Variants in SLC4A8 observed in about 807,000 individuals in gnomAD.
The protein encoded by SLC4A8 is electroneutral sodium bicarbonate exchanger 1.
In SLC4A8, 40 loss-of-function variants were observed where a neutral mutation model predicts 125.0. That is an observed-to-expected ratio of 0.32 (90% confidence interval 0.25 to 0.42). The LOEUF (loss-of-function observed/expected upper bound fraction) is 0.42, where lower values mean the gene tolerates loss of function less well. SLC4A8 is among the 10% of genes least tolerant of loss of function. SLC4A8 has a pLI of 1.00. For synonymous variants in SLC4A8, 456 were observed against 476.0 expected (o/e 0.96, Z 0.55); for missense variants, 863 against 1,355.1 (o/e 0.64, Z 5.70).
intron 20 of SLC4A8, chr12:51,494,605 C>T (rs1179334124): frequency 5.9e-6 from 1 of 169,920 alleles, no homozygotes; most frequent in East Asian, 1.6e-4. Flanking sequence ...ACTCCTAAAA[C>T]AAGTAAGAAA....
intron 18 of SLC4A8, 111 bp from the exon 19 acceptor site, chr12:51,489,589 C>G: frequency 7.2e-7 from 1 of 1,394,162 alleles, no homozygotes; most frequent in South Asian, 1.3e-5. Context: ...GAACCCCTTC[C>G]TTCTTATCCA....
upstream of SLC4A8, chr12:51,420,301 G>A (rs944204171): frequency 1.3e-5 from 2 of 152,130 alleles, no homozygotes; most frequent in African/African-American, 2.4e-5. Context: ...CTAAGACCCC[G>A]GCCCTGGTGG....
intron 1 of SLC4A8, among the ~76,000 whole-genome samples, chr12:51,434,997 C>T (rs1949353729): frequency 6.6e-6 from 1 of 152,104 alleles, no homozygotes; most frequent in South Asian, 2.1e-4. Flanking sequence ...AGACCCAGTA[C>T]CTATCCTCCT....
At chr12:51,394,446 G>T (rs1401968553) in intron 1 of SLC4A8, among the ~76,000 whole-genome samples, 3 of 152,210 alleles carry the variant, frequency 2.0e-5, no homozygotes, top group Non-Finnish European at 2.9e-5. Flanking sequence ...TCTCCACCAA[G>T]CCAGGAAGGT....
chr12:51,439,717 G>A (rs1031873288), intron 1 of SLC4A8, among the ~76,000 whole-genome samples: 1 of 152,022 alleles, frequency 6.6e-6, no homozygotes, highest in Admixed American at 6.6e-5. Context: ...TGCAAAGGAA[G>A]AAAGACTTGG....
In SLC4A8 at chr12:51,489,771, G is replaced by A; in HGVS notation, c.2520G>A (p.Leu840=). 1.2e-6 allele frequency: 2 copies of A among 1,614,184 alleles called. No homozygotes were observed. The highest frequency in any genetic ancestry group is 8.5e-7 in the Non-Finnish European group (1 of 1,180,036). ...TGGGTGTCTGCTCCATCATGGGCCT[G>A]CCCTGGTTTGTAGCTGCAACTGTCT... is the stretch of plus-strand genomic sequence containing the variant. ...IMLGVCSIMG[L]PWFVAATVLS... is the part of the protein sequence containing the mutation. Residue 840 remains leucine, a synonymous_variant, in exon 19 of 25, where the codon CTG becomes CTA. Coordinates refer to ENST00000453097, the MANE Select transcript of SLC4A8 (RefSeq NM_001039960.3).
At chr12:51,422,998 T>C (rs1592156095), upstream of SLC4A8, among the ~76,000 whole-genome samples, 1 of 152,268 alleles carries the variant, frequency 6.6e-6, no homozygotes, top group African/African-American at 2.4e-5. Flanking sequence ...ATATTTTAGA[T>C]TTCTCTGCCT....
intron 14 of SLC4A8, among the ~76,000 whole-genome samples, chr12:51,471,861 T>C (rs779821816): frequency 1.3e-5 from 2 of 152,196 alleles, no homozygotes; most frequent in Non-Finnish European, 2.9e-5. Context: ...GGAACTTCTT[T>C]TTGCAAGGAC....
chr12:51,399,323 T>G (rs1195059921), intron 1 of SLC4A8, among the ~76,000 whole-genome samples: 1 of 151,796 alleles, frequency 6.6e-6, no homozygotes, highest in Non-Finnish European at 1.5e-5. Flanking sequence ...GAAGAGGGAG[T>G]CTCCCTCCTT....
intron 1 of SLC4A8, among the ~76,000 whole-genome samples, chr12:51,392,566 C>A: frequency 1.3e-5 from 1 of 75,718 alleles, no homozygotes; most frequent in Non-Finnish European, 2.8e-5. Flanking sequence ...AGCGAGATTC[C>A]GTATCAAAAA....
chr12:51,412,837 C>G (rs1193273165), intron 1 of SLC4A8, among the ~76,000 whole-genome samples: 1 of 152,192 alleles, frequency 6.6e-6, no homozygotes, highest in African/African-American at 2.4e-5. Flanking sequence ...TTGATGGACA[C>G]TTAGTTTGAT....
At chr12:51,465,906 T>C (rs891645269) in intron 11 of SLC4A8, among the ~76,000 whole-genome samples, 14 of 152,232 alleles carry the variant, frequency 9.2e-5, no homozygotes, top group Admixed American at 1.3e-4. Flanking sequence ...TTTCCTGGAC[T>C]GCACAAACTA....
At chr12:51,427,182 C>T (rs1949021114) in intron 1 of SLC4A8, among the ~76,000 whole-genome samples, 1 of 152,074 alleles carries the variant, frequency 6.6e-6, no homozygotes, top group African/African-American at 2.4e-5. Context: ...TCGTGATCTG[C>T]CCGCCTCGGC....
At chr12:51,494,916 G>C (rs1450531251) in intron 20 of SLC4A8, 29 bp from the exon 21 acceptor site, 1 of 1,604,318 alleles carries the variant, frequency 6.2e-7, no homozygotes, top group South Asian at 1.1e-5. Flanking sequence ...ATGCCCTCCT[G>C]AAAATAAATG....
chr12:51,447,822 T>C (rs1162593544), intron 2 of SLC4A8, among the ~76,000 whole-genome samples: 1 of 150,980 alleles, frequency 6.6e-6, no homozygotes. Flanking sequence ...GTTCATGCCA[T>C]TCTCCTGCCT....
chr12:51,419,151 C>T (rs1224288968), intron 1 of SLC4A8, among the ~76,000 whole-genome samples: 1 of 152,158 alleles, frequency 6.6e-6, no homozygotes, highest in African/African-American at 2.4e-5. Flanking sequence ...TAGTTCTTGA[C>T]CCAGCTCTGC....
chr12:51,405,343 A>G (rs1948464809), intron 1 of SLC4A8, among the ~76,000 whole-genome samples: 1 of 152,154 alleles, frequency 6.6e-6, no homozygotes, highest in African/African-American at 2.4e-5. Flanking sequence ...GCGCTTCAGG[A>G]CATACTGTAC....
At chr12:51,442,578 AG>A (rs1949635266) in intron 2 of SLC4A8, among the ~76,000 whole-genome samples, 1 of 152,264 alleles carries the variant, frequency 6.6e-6, no homozygotes, top group South Asian at 2.1e-4. Flanking sequence ...TTGCTAAAAA[AG>A]AATGCTGTCT....
intron 6 of SLC4A8, among the ~76,000 whole-genome samples, chr12:51,458,154 C>T (rs116879303): frequency 6.6e-6 from 1 of 152,282 alleles, no homozygotes; most frequent in East Asian, 1.9e-4. Context: ...GGTTCCTTTT[C>T]CTGTGGCCAG....
Sources: gnomAD v4.1 joint callset for allele counts (sites outside exome capture counted in the v4.1 genomes callset) on GRCh38, gnomAD v4.1.1 for gene constraint, MANE v1.5 for transcripts, NCBI Gene and HGNC (gene_info 2026-07-23, HGNC 2026-07-21) for gene names.